Variants in IZUMO4 observed in about 807,000 individuals in gnomAD.
IZUMO4 encodes izumo sperm-egg fusion protein 4.
A neutral mutation model predicts 37.1 loss-of-function variants in IZUMO4; 51 were observed. The observed-to-expected ratio is 1.38, with a 90% CI of 1.10 to 1.74. IZUMO4 has a LOEUF of 1.74. IZUMO4 is among the 40% of genes most tolerant of loss of function. IZUMO4 has a pLI of 0.00. For missense variants in IZUMO4, 364 were observed against 299.6 expected (o/e 1.21, Z -1.59); for synonymous variants, 162 against 121.4 (o/e 1.33, Z -2.20).
Position 2,097,932 on chromosome 19 carries a change from G to A in IZUMO4, c.374G>A (p.Arg125His), listed in dbSNP as rs1458210549. Reference sequence around the variant, plus strand: ...GCGCTGTCCTGCCCTCCCACAGGCCGCATCGACTGTCAGCACCGCTGTGGT... The same window carrying A: ...GCGCTGTCCTGCCCTCCCACAGGCCACATCGACTGTCAGCACCGCTGTGGT... Reference protein sequence around the residue: ...HLIQNAIIESRIDCQHRCGIF... With the variant: ...HLIQNAIIESHIDCQHRCGIF... The change falls in exon 4 of 10, where the codon CGC becomes CAC. Residue 125 changes from arginine to histidine, a missense_variant. Arg to His is a conservative substitution (Grantham distance 29). Transcript: ENST00000395301. 3.7e-6 allele frequency: 6 copies of A among 1,613,054 alleles called. No homozygotes were observed. Among genetic ancestry groups the A allele is most frequent in the Admixed American group, 1.7e-5 (1 of 60,030 alleles).
intron 7 of IZUMO4, 67 bp from the exon 8 acceptor site, chr19:2,098,720 G>A (rs2017799089): frequency 5.0e-6 from 8 of 1,597,884 alleles, no homozygotes; most frequent in Non-Finnish European, 6.8e-6. Flanking sequence ...GTCAGAGCCT[G>A]GGAGGGTTCC....
chr19:2,096,998 G>T lies in IZUMO4; in HGVS notation c.53G>T (p.Cys18Phe). 1 of 1,610,716 alleles carries T rather than the reference G, an allele frequency of 6.2e-7. No individual in the cohort carries two copies. The change falls in exon 1 of 10, where the codon TGT becomes TTT. Residue 18 changes from cysteine (C) to phenylalanine (F), a missense_variant. Cys to Phe is a radical substitution (Grantham distance 205, BLOSUM62 -2). Transcript: ENST00000395301. ...VCLTAALAHG[C>F]LHCHSNFSKK... Reference sequence around the variant, plus strand: ...CTGACGGCGGCGCTGGCCCACGGCTGTCTGCACTGCCACAGCAACTTCTCC... The same window carrying T: ...CTGACGGCGGCGCTGGCCCACGGCTTTCTGCACTGCCACAGCAACTTCTCC...
At chr19:2,098,483 G>T (rs770088748) in intron 7 of IZUMO4, 33 bp downstream of exon 7, 1 of 1,613,694 alleles carries the variant, frequency 6.2e-7, no homozygotes, top group Admixed American at 1.7e-5. Context: ...CACAGGCAGT[G>T]TGTGTATGTG....
rs1156780215 is a variant in IZUMO4 at position 2,098,260 on chromosome 19, C to T, written c.474-27C>T. The T allele has an allele frequency of 3.7e-6, 6 of 1,613,360 alleles. No homozygotes were observed. The African/African-American group carries it at 4.0e-5, about 11-fold the overall frequency. ...GGGCGGGGCCGTGGGTTCAGGGGCG[C>T]ACCACTTCCAAGCCTGTGTCCCACA... On this transcript the variant is annotated intron_variant, in intron 5 of 9. Coordinates refer to ENST00000395301, the MANE Select transcript of IZUMO4 (RefSeq NM_001039846.2).
In IZUMO4 at chr19:2,097,314, G is replaced by T; in HGVS notation, c.280G>T (p.Gly94Trp). 1 of 1,612,824 alleles carries T rather than the reference G, an allele frequency of 6.2e-7. No individual in the cohort carries two copies. Among genetic ancestry groups the T allele is most frequent in the Non-Finnish European group, 8.5e-7 (1 of 1,179,916 alleles). Residue 94 changes from glycine to tryptophan, a missense_variant, in exon 2 of 10, where the codon GGG (glycine) becomes TGG (tryptophan). Transcript: ENST00000395301. Reference sequence around the variant, plus strand: ...CCAGATGATGGATCAGCTGTACCAGGGGAAGATGTACTTCCCCGGTAAGGG... The same window carrying T: ...CCAGATGATGGATCAGCTGTACCAGTGGAAGATGTACTTCCCCGGTAAGGG... ...VYQMMDQLYQ[G>W]KMYFPGYFPN...
rs2017835260 is a variant in IZUMO4 at position 2,099,190 on chromosome 19, G to A, written c.609-65G>A. ...TCCCAGCTGGGAGGAGAGGCCTGGG[G>A]CCCCCAGGGAGGGAGGCAGGGGGTG... On this transcript the variant is annotated intron_variant, in intron 9 of 9. Transcript: ENST00000395301. 5.3e-6 allele frequency: 8 copies of A among 1,501,168 alleles called. 1 individual carries two copies. The South Asian group carries it at 7.9e-5, about 15-fold the overall frequency. The allele number at this position is 1,501,168 out of a possible 1,614,324, so 93.0% of individuals were successfully genotyped here.
chr19:2,098,356 C>G (rs774218147), intron 6 of IZUMO4, 22 bp downstream of exon 6: 4 of 1,613,884 alleles, frequency 2.5e-6, no homozygotes, highest in Non-Finnish European at 3.4e-6. Flanking sequence ...CTTTGGGTGG[C>G]AGCAAGCTCA....
At chr19:2,099,182 G>A (rs1325130097) in intron 9 of IZUMO4, 73 bp from the exon 10 acceptor site, 4 of 1,456,828 alleles carry the variant, frequency 2.7e-6, no homozygotes, top group Non-Finnish European at 9.6e-7. Flanking sequence ...TGGGAGGAGA[G>A]GCCTGGGGCC....
In IZUMO4 at chr19:2,097,991, G is replaced by T. The variant is rs373358701; in HGVS notation, c.397+36G>T. The T allele has an allele frequency of 6.8e-6, 11 of 1,613,148 alleles. No homozygotes were observed. The East Asian group carries it at 2.2e-4, about 33-fold the overall frequency. On this transcript the variant is annotated intron_variant, in intron 4 of 9. Coordinates refer to ENST00000395301, the MANE Select transcript of IZUMO4 (RefSeq NM_001039846.2). ...CTCCGTCCAGGCTGAGGGGCGTGCC[G>T]GTGGCAGCTCGGGGCCCTGGAGGCT...
Position 2,099,049 on chromosome 19 carries a change from G to GC in IZUMO4, c.608+20_608+21insC, listed in dbSNP as rs1491538826. ...GGCCTTGTGAGTGACCCAGAGAAGGGAGGCCTCGGGAGAAGGGGTGCTCGT... is the reference window on the plus strand; with the variant it reads ...GGCCTTGTGAGTGACCCAGAGAAGGGCAGGCCTCGGGAGAAGGGGTGCTCGT... On this transcript the variant is annotated intron_variant, in intron 9 of 9. Coordinates refer to ENST00000395301, the MANE Select transcript of IZUMO4 (RefSeq NM_001039846.2). 1 of 1,610,132 alleles carries GC rather than the reference G, an allele frequency of 6.2e-7. No homozygotes were observed. Among genetic ancestry groups the GC allele is most frequent in the Admixed American group, 1.7e-5 (1 of 60,022 alleles).
chr19:2,098,897 G>C, intron 8 of IZUMO4, 79 bp from the exon 9 acceptor site: 1 of 1,581,782 alleles, frequency 6.3e-7, no homozygotes, highest in Non-Finnish European at 8.7e-7. Context: ...GGGCACTGCA[G>C]GTGGGGCTCT....
intron 6 of IZUMO4, 43 bp from the exon 7 acceptor site, chr19:2,098,393 A>G (rs752257861): frequency 1.2e-6 from 2 of 1,613,926 alleles, no homozygotes; most frequent in South Asian, 1.1e-5. Flanking sequence ...AACACTGGCC[A>G]CGGCCACTCG....
chr19:2,098,874 T>G, intron 8 of IZUMO4, 70 bp downstream of exon 8: 1 of 1,546,810 alleles, frequency 6.5e-7, no homozygotes. Context: ...TAGGGGGTCC[T>G]CTAGATCAGT....
chr19:2,098,903 G>A lies in IZUMO4; in HGVS notation c.555-73G>A, dbSNP rs1002752915. 27 of 1,583,334 alleles carry A rather than the reference G, an allele frequency of 1.7e-5. No individual in the cohort carries two copies. The East Asian group carries it at 2.5e-4, about 14-fold the overall frequency. On this transcript the variant is annotated intron_variant, in intron 8 of 9. Coordinates refer to ENST00000395301, the MANE Select transcript of IZUMO4 (RefSeq NM_001039846.2). ...GATCAGTGGGGGCACTGCAGGTGGG[G>A]CTCTCCCTATACCTGGGACACCTGC...
At chr19:2,098,228 T>C (rs1431217471) in intron 5 of IZUMO4, 59 bp from the exon 6 acceptor site, 3 of 1,612,006 alleles carry the variant, frequency 1.9e-6, no homozygotes, top group Non-Finnish European at 2.5e-6. Flanking sequence ...CTGGCTGTCA[T>C]CGGGTAGGGC....
chr19:2,098,199 G>A (rs1418639011), intron 5 of IZUMO4, 72 bp downstream of exon 5: 8 of 1,611,070 alleles, frequency 5.0e-6, no homozygotes, highest in African/African-American at 1.3e-5. Flanking sequence ...CTCCTTGGAG[G>A]GGGCTCCCCG....
chr19:2,098,452 T>A lies in IZUMO4; in HGVS notation c.536+2T>A. On this transcript the variant is annotated splice_donor_variant, in intron 7 of 9. Coordinates refer to ENST00000395301, the MANE Select transcript of IZUMO4 (RefSeq NM_001039846.2). LOFTEE classifies it high-confidence loss of function. Reference sequence around the variant, plus strand: ...TCTTTGTAGAAATAACTGGCACAAGTAAGTCCCCTCCTCAAACCAACACAG... The same window carrying A: ...TCTTTGTAGAAATAACTGGCACAAGAAAGTCCCCTCCTCAAACCAACACAG... 1 of 1,613,888 alleles carries A rather than the reference T, an allele frequency of 6.2e-7. No homozygotes were observed. The highest frequency in any genetic ancestry group is 8.5e-7 in the Non-Finnish European group (1 of 1,180,022).
intron 3 of IZUMO4, 53 bp downstream of exon 3, chr19:2,097,548 C>T: frequency 6.7e-7 from 1 of 1,496,074 alleles, no homozygotes; most frequent in Non-Finnish European, 9.3e-7. Context: ...CCTCGGAGAC[C>T]CACGGGGCTT....
rs2017802927 is a variant in IZUMO4 at position 2,098,770 on chromosome 19, CCCA to C, written c.537-15_537-13del. On this transcript the variant is annotated splice_polypyrimidine_tract_variant and intron_variant, in intron 7 of 9. Coordinates refer to ENST00000395301, the MANE Select transcript of IZUMO4 (RefSeq NM_001039846.2). ...GGTGCCCCATGGAGGGGCTGACTGCCCCACATTGCCTTTCAGACAGGACACGAG... is the reference window on the plus strand; with the variant it reads ...GGTGCCCCATGGAGGGGCTGACTGCCCATTGCCTTTCAGACAGGACACGAG... The C allele has an allele frequency of 2.5e-6, 4 of 1,604,424 alleles. No individual in the cohort carries two copies. Among genetic ancestry groups the C allele is most frequent in the Non-Finnish European group, 3.4e-6 (4 of 1,176,276 alleles).
Sources: gnomAD v4.1 joint callset for allele counts on GRCh38, gnomAD v4.1.1 for gene constraint, MANE v1.5 for transcripts, NCBI Gene and HGNC (gene_info 2026-07-23, HGNC 2026-07-21) for gene names.